Variants in FSTL5 observed in about 807,000 individuals in gnomAD.
FSTL5 encodes the protein follistatin like 5.
In FSTL5, 62 loss-of-function variants were observed where a neutral mutation model predicts 89.1. The ratio of observed to expected loss-of-function variants is 0.70; its 90% CI spans 0.57 to 0.86. The LOEUF is 0.86. FSTL5 is among the 40% of genes least tolerant of loss of function. The probability of loss-of-function intolerance (pLI) is 0.00; values close to 1 mark genes in which losing one functional copy is unlikely to be tolerated. For synonymous variants in FSTL5, 383 were observed against 346.2 expected, an observed-to-expected ratio of 1.11 and a Z score of -1.18; for missense variants, 1,057 against 1,001.6, an observed-to-expected ratio of 1.06 and a Z score of -0.75.
At chr4:161,700,216 A>G (rs1444517831) in intron 6 of FSTL5, among the ~76,000 whole-genome samples, 1 of 152,198 alleles carries the variant, frequency 6.6e-6, no homozygotes, top group African/African-American at 2.4e-5. Context: ...TGCTCATTCT[A>G]CCATAAAGAA....
Position 161,992,907 on chromosome 4 carries a change from T to A in FSTL5, c.160+40718A>T, listed in dbSNP as rs368342372. Among the ~76,000 whole-genome samples the A allele has an allele frequency of 2.3e-3, 20 of 8,836 alleles. 1 individual carries two copies. The South Asian group carries it at 0.064, about 28-fold the overall frequency. 5.8% of individuals were successfully genotyped at this position (8,836 alleles called of 152,430 possible). ...ATATATATATATATATGTGTGTGTA[T>A]ATATATATATATATATATGTGTGTA... On this transcript the variant is annotated intron_variant, in intron 3 of 15. Transcript: ENST00000306100.
intron 4 of FSTL5, among the ~76,000 whole-genome samples, chr4:161,777,243 G>GTATCTATA (rs1553965045): frequency 6.9e-6 from 1 of 144,972 alleles, no homozygotes; most frequent in African/African-American, 2.5e-5. Flanking sequence ...ATTTCATTGT[G>GTATCTATA]TATATATATA....
chr4:161,620,133 G>A (rs1316704426), intron 7 of FSTL5, among the ~76,000 whole-genome samples: 2 of 138,832 alleles, frequency 1.4e-5, no homozygotes, highest in Non-Finnish European at 1.5e-5. Context: ...GGTGGGAATT[G>A]AACAATGAGA....
intron 12 of FSTL5, among the ~76,000 whole-genome samples, chr4:161,481,835 C>A (rs76835652): frequency 0.02 from 3,114 of 152,210 alleles, 124 homozygotes; most frequent in African/African-American, 0.07. Flanking sequence ...GCCAAGAAAG[C>A]CCCTCTATTT....
intron 3 of FSTL5, among the ~76,000 whole-genome samples, chr4:161,964,290 TCAG>T (rs1419762659): frequency 2.6e-5 from 4 of 152,050 alleles, no homozygotes; most frequent in Non-Finnish European, 5.9e-5. Flanking sequence ...TCTTCACACT[TCAG>T]CTCGATGATA....
intron 14 of FSTL5, among the ~76,000 whole-genome samples, chr4:161,457,716 T>C (rs140125105): frequency 3.3e-5 from 5 of 152,212 alleles, no homozygotes; most frequent in Admixed American, 2.0e-4. Context: ...ATTAAAATAA[T>C]TTATAAGAAT....
chr4:161,984,967 T>G (rs1735922483), intron 3 of FSTL5, among the ~76,000 whole-genome samples: 2 of 152,018 alleles, frequency 1.3e-5, no homozygotes, highest in South Asian at 4.1e-4. Context: ...TACTTTTTTT[T>G]TTTTTTTAAG....
chr4:161,654,186 T>C (rs993929801), intron 7 of FSTL5, among the ~76,000 whole-genome samples: 10 of 152,104 alleles, frequency 6.6e-5, no homozygotes, highest in Admixed American at 6.6e-4. Flanking sequence ...CTCAGATCCA[T>C]GTACAAGAAT....
chr4:161,979,314 A>G (rs1227957564), intron 3 of FSTL5, among the ~76,000 whole-genome samples: 5 of 152,190 alleles, frequency 3.3e-5, no homozygotes, highest in East Asian at 3.8e-4. Context: ...GTAAATCACA[A>G]TATCAGTTTA....
intron 3 of FSTL5, among the ~76,000 whole-genome samples, chr4:162,025,741 GAT>G (rs1737255000): frequency 6.6e-6 from 1 of 151,266 alleles, no homozygotes; most frequent in Non-Finnish European, 1.5e-5. Flanking sequence ...ATTTAAAAGG[GAT>G]ATTATTTATT....
At chr4:161,469,799 G>A (rs538311031) in intron 13 of FSTL5, among the ~76,000 whole-genome samples, 90 of 151,910 alleles carry the variant, frequency 5.9e-4, no homozygotes, top group African/African-American at 1.9e-3. Flanking sequence ...CACCACGCCC[G>A]GCTACTTTTT....
intron 4 of FSTL5, among the ~76,000 whole-genome samples, chr4:161,847,610 T>C (rs1731409845): frequency 6.6e-6 from 1 of 152,196 alleles, no homozygotes; most frequent in Admixed American, 6.5e-5. Context: ...TCTGTTTTTG[T>C]CTTTTTTCTC....
At chr4:161,523,196 G>A in intron 10 of FSTL5, among the ~76,000 whole-genome samples, 1 of 152,148 alleles carries the variant, frequency 6.6e-6, no homozygotes, top group East Asian at 1.9e-4. Context: ...GGTATAGTTA[G>A]ATAATAATGT....
At chr4:161,477,835 A>G (rs554152040) in intron 13 of FSTL5, among the ~76,000 whole-genome samples, 15 of 152,222 alleles carry the variant, frequency 9.9e-5, no homozygotes, top group African/African-American at 2.9e-4. Context: ...ATGATCATCA[A>G]TGTAGAAATA....
Position 162,066,373 on chromosome 4 carries a change from CCTT to C in FSTL5, c.127-32718_127-32716del, listed in dbSNP as rs1194587094. Among the ~76,000 whole-genome samples the C allele has an allele frequency of 4.4e-3, 246 of 56,210 alleles. 1 individual carries two copies. Among genetic ancestry groups the C allele is most frequent in the African/African-American group, 0.014 (224 of 15,710 alleles). 36.9% of individuals were successfully genotyped at this position (56,210 alleles called of 152,430 possible). On this transcript the variant is annotated intron_variant, in intron 2 of 15. Coordinates refer to ENST00000306100, the MANE Select transcript of FSTL5 (RefSeq NM_020116.5). ...TTCTTCTCCTTCTTCTTCTTCTTCT[CCTT>C]CTTCTTCTTCTTCATTTTCCTTTTT...
At chr4:161,865,736 T>C (rs1468577331) in intron 4 of FSTL5, among the ~76,000 whole-genome samples, 1 of 152,192 alleles carries the variant, frequency 6.6e-6, no homozygotes, top group Non-Finnish European at 1.5e-5. Context: ...TCAGGCTGCA[T>C]ATTCTCCTTA....
chr4:161,481,489 T>C lies in FSTL5; in HGVS notation c.1459-320A>G, dbSNP rs115141784. Among the ~76,000 whole-genome samples the C allele has an allele frequency of 3.4e-3, 524 of 152,268 alleles. 3 individuals carry two copies. The highest frequency in any genetic ancestry group is 0.011 in the African/African-American group (473 of 41,576). On this transcript the variant is annotated intron_variant, in intron 12 of 15. Transcript: ENST00000306100. The stretch of plus-strand genomic sequence containing the variant: ...GTCCAACATCTTTCCTCAAATTTTC[T>C]CAGTCTCAAGGTTCTTTAACAGAAT...
At chr4:161,999,188 T>C (rs1011702889) in intron 3 of FSTL5, among the ~76,000 whole-genome samples, 6 of 152,326 alleles carry the variant, frequency 3.9e-5, no homozygotes, top group South Asian at 4.1e-4. Flanking sequence ...GAAAGGAATA[T>C]GAAATTAGCT....
intron 7 of FSTL5, among the ~76,000 whole-genome samples, chr4:161,600,690 G>A (rs538878234): frequency 7.9e-5 from 12 of 152,128 alleles, no homozygotes; most frequent in African/African-American, 2.9e-4. Context: ...TTTTGAAAGC[G>A]AATACAATTT....
Sources: allele counts gnomAD v4.1 joint callset (sites outside exome capture counted in the v4.1 genomes callset), GRCh38; gene constraint gnomAD v4.1.1; transcripts MANE v1.5; gene names NCBI Gene and HGNC (gene_info 2026-07-23, HGNC 2026-07-21).